The following ARHGAP22 variants were observed in gnomAD, a reference collection of about 807,000 sequenced individuals.
ARHGAP22 encodes rho GTPase-activating protein 22.
Under a neutral mutation model 59.1 loss-of-function variants are expected in ARHGAP22, and 48 were observed. That is an observed-to-expected ratio of 0.81 (90% CI 0.64 to 1.03). The LOEUF is 1.03. ARHGAP22 is among the 50% of genes least tolerant of loss of function. ARHGAP22 has a pLI of 0.00. For synonymous variants in ARHGAP22, 445 were observed against 416.4 expected (o/e 1.07, Z -0.84); for missense variants, 1,015 against 958.7 (o/e 1.06, Z -0.78).
intron 1 of ARHGAP22, among the ~76,000 whole-genome samples, chr10:48,601,653 A>T (rs1055725224): frequency 6.6e-6 from 1 of 152,254 alleles, no homozygotes; most frequent in African/African-American, 2.4e-5. Flanking sequence ...TTAGATTAAC[A>T]ACAGAATTTC....
chr10:48,625,880 AGT>A (rs2061433228), intron 1 of ARHGAP22, among the ~76,000 whole-genome samples: 1 of 152,158 alleles, frequency 6.6e-6, no homozygotes, highest in Admixed American at 6.5e-5. Flanking sequence ...CTAGCAAAGG[AGT>A]GTGTTTATAT....
intron 3 of ARHGAP22, among the ~76,000 whole-genome samples, chr10:48,550,739 T>A (rs148926319): frequency 1.7e-4 from 26 of 152,356 alleles, no homozygotes; most frequent in African/African-American, 6.3e-4. Flanking sequence ...TGGGGGTTAT[T>A]CCAGCAGTTC....
At chr10:48,560,288 T>C (rs1564884118) in intron 2 of ARHGAP22, among the ~76,000 whole-genome samples, 1 of 152,148 alleles carries the variant, frequency 6.6e-6, no homozygotes. Flanking sequence ...TTGGGGAGAA[T>C]TGACATCCTA....
At chr10:48,466,322 G>A (rs2047675256) in intron 4 of ARHGAP22, among the ~76,000 whole-genome samples, 1 of 151,852 alleles carries the variant, frequency 6.6e-6, no homozygotes, top group African/African-American at 2.4e-5. Context: ...CCCACAGCCA[G>A]CAGGAGATTG....
At chr10:48,509,067 C>G (rs531564663) in intron 3 of ARHGAP22, among the ~76,000 whole-genome samples, 50 of 152,334 alleles carry the variant, frequency 3.3e-4, no homozygotes, top group African/African-American at 1.2e-3. Context: ...CTCCTGGGTT[C>G]CCCCTGTTAT....
intron 2 of ARHGAP22, among the ~76,000 whole-genome samples, chr10:48,577,801 G>GTTTTTTGT (rs2058827657): frequency 1.7e-5 from 1 of 59,142 alleles, no homozygotes; most frequent in Non-Finnish European, 2.9e-5. Flanking sequence ...CTCTTTTTTG[G>GTTTTTTGT]TTTTTTTTTT....
intron 1 of ARHGAP22, among the ~76,000 whole-genome samples, chr10:48,619,396 G>A (rs1287496856): frequency 6.6e-6 from 1 of 152,150 alleles, no homozygotes; most frequent in South Asian, 2.1e-4. Flanking sequence ...GGAATACTGA[G>A]CATGAAGAAT....
chr10:48,545,102 C>A (rs1391400739), intron 3 of ARHGAP22, among the ~76,000 whole-genome samples: 1 of 152,144 alleles, frequency 6.6e-6, no homozygotes, highest in Non-Finnish European at 1.5e-5. Context: ...TTATTAAGAA[C>A]AATTTCACTA....
At chr10:48,581,360 C>G (rs904288008) in intron 2 of ARHGAP22, among the ~76,000 whole-genome samples, 1 of 152,214 alleles carries the variant, frequency 6.6e-6, no homozygotes, top group Non-Finnish European at 1.5e-5. Flanking sequence ...AGTTTGCAAA[C>G]TGTTCACTGG....
At position 48,569,433 on chromosome 10, in the gene ARHGAP22, A is replaced by G. The variant is rs556275049; in HGVS notation, c.234+13520T>C. On this transcript the variant is annotated intron_variant, in intron 2 of 9. Coordinates refer to ENST00000249601, the MANE Select transcript of ARHGAP22 (RefSeq NM_021226.4). ...CTGTAACTCAGTATTCCACCAATGC[A>G]TTAAGGAGCTAGAATGCTCCAAACA... 1.3e-3 allele frequency among the ~76,000 whole-genome samples: 200 copies of G among 152,378 alleles called. 2 individuals carry two copies. The highest frequency in any genetic ancestry group is 4.5e-3 in the African/African-American group (187 of 41,592).
intron 1 of ARHGAP22, among the ~76,000 whole-genome samples, chr10:48,648,012 C>T (rs2136198504): frequency 6.6e-6 from 1 of 152,210 alleles, no homozygotes; most frequent in African/African-American, 2.4e-5. Flanking sequence ...AAAAGCAGAT[C>T]AATGGTTTCC....
chr10:48,576,739 C>T (rs1243204631), intron 2 of ARHGAP22, among the ~76,000 whole-genome samples: 1 of 150,024 alleles, frequency 6.7e-6, no homozygotes, highest in Non-Finnish European at 1.5e-5. Flanking sequence ...GTTCTATGGT[C>T]TCAGATGAGG....
rs562241383 is a variant in ARHGAP22 at position 48,462,426 on chromosome 10, T to C, written c.452-2535A>G. Among the ~76,000 whole-genome samples, 19 of 152,314 alleles carry C rather than the reference T, an allele frequency of 1.2e-4. No homozygotes were observed. The East Asian group carries it at 3.7e-3, about 29-fold the overall frequency. On this transcript the variant is annotated intron_variant, in intron 4 of 9. Transcript: ENST00000249601. The stretch of plus-strand genomic sequence containing the variant: ...ACATCATTATCTTGACTTTTGCCTG[T>C]TCAGTTTGTAGGATGTTTGAACGGA...
At chr10:48,551,561 A>G (rs956871055) in intron 3 of ARHGAP22, among the ~76,000 whole-genome samples, 2 of 152,222 alleles carry the variant, frequency 1.3e-5, no homozygotes, top group Non-Finnish European at 2.9e-5. Context: ...AAACTTTATA[A>G]GTGGTTTTCC....
intron 1 of ARHGAP22, among the ~76,000 whole-genome samples, chr10:48,598,618 G>C (rs1361646551): frequency 6.6e-6 from 1 of 152,176 alleles, no homozygotes; most frequent in Non-Finnish European, 1.5e-5. Context: ...TGCCCTCAGG[G>C]CCACTCCCTG....
chr10:48,601,154 A>T (rs2060355667), intron 1 of ARHGAP22, among the ~76,000 whole-genome samples: 1 of 152,178 alleles, frequency 6.6e-6, no homozygotes, highest in South Asian at 2.1e-4. Flanking sequence ...GGTACCTGAC[A>T]AACCTGGGCA....
chr10:48,558,341 T>A (rs965190643), intron 2 of ARHGAP22, among the ~76,000 whole-genome samples: 1 of 41,268 alleles, frequency 2.4e-5, no homozygotes, highest in Non-Finnish European at 7.0e-5. Flanking sequence ...CGATTTAATG[T>A]TTTTTTTTTG....
At chr10:48,500,197 A>G (rs951051930) in intron 3 of ARHGAP22, among the ~76,000 whole-genome samples, 1 of 152,192 alleles carries the variant, frequency 6.6e-6, no homozygotes, top group African/African-American at 2.4e-5. Flanking sequence ...TTAAAAAATT[A>G]GCCACGTGTG....
At chr10:48,471,052 A>AT (rs1201942109) in intron 4 of ARHGAP22, among the ~76,000 whole-genome samples, 1 of 152,124 alleles carries the variant, frequency 6.6e-6, no homozygotes, top group Non-Finnish European at 1.5e-5. Context: ...CCAAGGTTGG[A>AT]TTTTTTTCCA....
Sources: allele counts gnomAD v4.1 joint callset (sites outside exome capture counted in the v4.1 genomes callset), GRCh38; gene constraint gnomAD v4.1.1; transcripts MANE v1.5; gene names NCBI Gene and HGNC (gene_info 2026-07-23, HGNC 2026-07-21).